PTPN1: variants seen among roughly 807,000 people sequenced by gnomAD.
PTPN1 encodes the protein tyrosine-protein phosphatase non-receptor type 1.
In PTPN1, 12 loss-of-function variants were observed where a neutral mutation model predicts 59.9. The ratio of observed to expected loss-of-function variants is 0.20; its 90% CI spans 0.13 to 0.32. PTPN1 has a LOEUF of 0.32. PTPN1 is among the 10% of genes least tolerant of loss of function. PTPN1 has a pLI of 1.00. For synonymous variants in PTPN1, 178 were observed against 203.6 expected (o/e 0.87, Z 1.07); for missense variants, 356 against 549.2 (o/e 0.65, Z 3.52).
intron 1 of PTPN1, among the ~76,000 whole-genome samples, chr20:50,538,328 G>A (rs1426703390): frequency 6.6e-6 from 1 of 152,112 alleles, no homozygotes; most frequent in Admixed American, 6.5e-5. Flanking sequence ...GGTTGCATGG[G>A]GTAGCTACAA....
chr20:50,542,134 G>A (rs973192550), intron 1 of PTPN1, among the ~76,000 whole-genome samples: 1 of 152,182 alleles, frequency 6.6e-6, no homozygotes, highest in South Asian at 2.1e-4. Flanking sequence ...AGTACAATGT[G>A]GTCTTCACTC....
chr20:50,528,953 G>A (rs2082589263), intron 1 of PTPN1, among the ~76,000 whole-genome samples: 1 of 152,014 alleles, frequency 6.6e-6, no homozygotes, highest in Non-Finnish European at 1.5e-5. Context: ...TTCTGTATGT[G>A]GTGTTTTCCC....
At chr20:50,564,348 T>C (rs908521141) in intron 2 of PTPN1, among the ~76,000 whole-genome samples, 1 of 152,176 alleles carries the variant, frequency 6.6e-6, no homozygotes, top group African/African-American at 2.4e-5. Flanking sequence ...ATCCCAGCAC[T>C]TTGGGGAGGC....
chr20:50,545,597 C>T (rs989242594), intron 1 of PTPN1, among the ~76,000 whole-genome samples: 1 of 152,192 alleles, frequency 6.6e-6, no homozygotes, highest in Non-Finnish European at 1.5e-5. Context: ...TTTACGTGTA[C>T]AGCCTGGTAC....
chr20:50,521,596 A>T lies in PTPN1; in HGVS notation c.63+11006A>T, dbSNP rs529990709. The stretch of plus-strand genomic sequence containing the variant: ...CTAAGCCTCCCCGATTTATTAGGAC[A>T]TAGGAGGAGAGAGTTTGTAGTTTTT... On this transcript the variant is annotated intron_variant, in intron 1 of 9. Coordinates refer to ENST00000371621, the MANE Select transcript of PTPN1 (RefSeq NM_002827.4). Among the ~76,000 whole-genome samples the T allele has an allele frequency of 1.2e-3, 176 of 152,368 alleles. 1 individual carries two copies. Among genetic ancestry groups the T allele is most frequent in the African/African-American group, 4.0e-3 (167 of 41,580 alleles).
At chr20:50,576,768 C>T (rs539508294) in intron 5 of PTPN1, among the ~76,000 whole-genome samples, 279 of 151,782 alleles carry the variant, frequency 1.8e-3, no homozygotes, top group African/African-American at 6.2e-3. Context: ...CCCAGCTACT[C>T]GGGAGGCTGA....
rs558457079 is a variant in PTPN1 at position 50,584,048 on chromosome 20, T to G, written c.*1333T>G. Reference sequence around the variant, plus strand: ...CGAGAGAGGCGCGTCTGCCCCACCCTCAAACCCTGTGGGGCCTGATGGTGC... The same window carrying G: ...CGAGAGAGGCGCGTCTGCCCCACCCGCAAACCCTGTGGGGCCTGATGGTGC... On this transcript the variant is annotated 3_prime_UTR_variant, in exon 10 of 10. Coordinates refer to ENST00000371621, the MANE Select transcript of PTPN1 (RefSeq NM_002827.4). The G allele has an allele frequency of 3.3e-5, 5 of 152,762 alleles. No individual in the cohort carries two copies. The highest frequency in any genetic ancestry group is 6.5e-5 in the Admixed American group (1 of 15,300). The allele number at this position is 152,762 out of a possible 1,614,324, so 9.5% of individuals were successfully genotyped here.
At chr20:50,557,816 C>T (rs1212518951) in intron 1 of PTPN1, 3 of 152,456 alleles carry the variant, frequency 2.0e-5, no homozygotes, top group Admixed American at 1.3e-4. Flanking sequence ...TCTTAGGCAA[C>T]CTGGTGGTCC....
At chr20:50,538,081 T>G (rs1444015199) in intron 1 of PTPN1, among the ~76,000 whole-genome samples, 1 of 152,150 alleles carries the variant, frequency 6.6e-6, no homozygotes, top group Non-Finnish European at 1.5e-5. Context: ...GAAAAGATAC[T>G]CAGCACCCTG....
At chr20:50,514,343 G>A (rs1255104508) in intron 1 of PTPN1, among the ~76,000 whole-genome samples, 2 of 143,270 alleles carry the variant, frequency 1.4e-5, no homozygotes, top group African/African-American at 4.9e-5. Flanking sequence ...GTAATTGAAT[G>A]TGTACTGAAT....
chr20:50,553,180 A>G (rs1417925183), intron 1 of PTPN1, among the ~76,000 whole-genome samples: 2 of 152,180 alleles, frequency 1.3e-5, no homozygotes, highest in Non-Finnish European at 2.9e-5. Context: ...TGTTGAATAA[A>G]TGTTGACACT....
chr20:50,539,105 G>A (rs1199602291), intron 1 of PTPN1, among the ~76,000 whole-genome samples: 1 of 141,380 alleles, frequency 7.1e-6, no homozygotes, highest in East Asian at 2.1e-4. Flanking sequence ...GCACGATTTC[G>A]GCTCACCGCA....
intron 1 of PTPN1, among the ~76,000 whole-genome samples, chr20:50,548,717 T>C (rs1354734758): frequency 6.6e-6 from 1 of 152,126 alleles, no homozygotes; most frequent in East Asian, 1.9e-4. Context: ...AGTATGTTTA[T>C]TTATTTATTC....
intron 2 of PTPN1, among the ~76,000 whole-genome samples, chr20:50,562,670 C>T (rs1337813792): frequency 2.0e-5 from 3 of 152,190 alleles, no homozygotes; most frequent in South Asian, 2.1e-4. Flanking sequence ...ACATGATTGG[C>T]GCCAACACAT....
intron 1 of PTPN1, among the ~76,000 whole-genome samples, chr20:50,538,069 C>G (rs2082631977): frequency 6.6e-6 from 1 of 152,044 alleles, no homozygotes; most frequent in Non-Finnish European, 1.5e-5. Context: ...GAACAAATAA[C>G]CGAAAAGATA....
At chr20:50,535,497 C>CT in intron 1 of PTPN1, among the ~76,000 whole-genome samples, 1 of 152,120 alleles carries the variant, frequency 6.6e-6, no homozygotes, top group East Asian at 1.9e-4. Context: ...TATGAATACT[C>CT]TTTTCTCTGT....
chr20:50,535,224 G>A (rs1310479110), intron 1 of PTPN1, among the ~76,000 whole-genome samples: 2 of 152,152 alleles, frequency 1.3e-5, no homozygotes, highest in African/African-American at 4.8e-5. Flanking sequence ...CCATTGATGA[G>A]GGTGTTACCT....
rs116271531 is a variant in PTPN1 at position 50,537,816 on chromosome 20, A to C, written c.64-23547A>C. Among the ~76,000 whole-genome samples the C allele has an allele frequency of 4.7e-3, 718 of 152,308 alleles. 3 individuals are homozygous for C. The highest frequency in any genetic ancestry group is 0.015 in the African/African-American group (624 of 41,570). On this transcript the variant is annotated intron_variant, in intron 1 of 9. Transcript: ENST00000371621. ...AGGTATGCTGGATGATACCTAACCA[A>C]CAGAGAACCATTGAATGCCGTTCAA...
At chr20:50,541,962 T>C (rs1261048808) in intron 1 of PTPN1, among the ~76,000 whole-genome samples, 1 of 152,242 alleles carries the variant, frequency 6.6e-6, no homozygotes, top group Non-Finnish European at 1.5e-5. Flanking sequence ...TTGATGTTTT[T>C]CCCTTCTTCC....
Sources: gnomAD v4.1 joint callset for allele counts (sites outside exome capture counted in the v4.1 genomes callset) on GRCh38, gnomAD v4.1.1 for gene constraint, MANE v1.5 for transcripts, NCBI Gene and HGNC (gene_info 2026-07-23, HGNC 2026-07-21) for gene names.